Variants in PIK3C2G observed in about 807,000 individuals in gnomAD.
The protein encoded by PIK3C2G is phosphatidylinositol 3-kinase C2 domain-containing subunit gamma.
Under a neutral mutation model 181.1 loss-of-function variants are expected in PIK3C2G, and 168 were observed. The observed-to-expected ratio is 0.93, with a 90% CI of 0.82 to 1.05. The LOEUF is 1.05. Among genes scored for constraint, PIK3C2G ranks in the 50% least tolerant of loss-of-function variants. The pLI, the probability that PIK3C2G is intolerant of heterozygous loss-of-function variation, is 0.00. For synonymous variants in PIK3C2G, 573 were observed against 592.2 expected (o/e 0.97, Z 0.47); for missense variants, 1,869 against 1,732.8 (o/e 1.08, Z -1.40).
chr12:18,348,815 G>A (rs1939933321), intron 11 of PIK3C2G, among the ~76,000 whole-genome samples: 1 of 152,160 alleles, frequency 6.6e-6, no homozygotes, highest in Non-Finnish European at 1.5e-5. Flanking sequence ...ACATTCTGAG[G>A]CTCAAGAATC....
chr12:18,290,250 G>C (rs1218259849), intron 3 of PIK3C2G, among the ~76,000 whole-genome samples: 5 of 152,132 alleles, frequency 3.3e-5, no homozygotes, highest in African/African-American at 7.2e-5. Flanking sequence ...CTGGCTCCAA[G>C]GATAAACTGT....
intron 16 of PIK3C2G, among the ~76,000 whole-genome samples, chr12:18,401,132 T>C (rs1397326265): frequency 6.6e-6 from 1 of 152,160 alleles, no homozygotes; most frequent in Non-Finnish European, 1.5e-5. Flanking sequence ...TTCTGTTTCC[T>C]GAAGGCTTAG....
At chr12:18,497,248 C>T (rs899996758) in intron 21 of PIK3C2G, among the ~76,000 whole-genome samples, 1 of 152,090 alleles carries the variant, frequency 6.6e-6, no homozygotes, top group African/African-American at 2.4e-5. Context: ...TAATGTTTCA[C>T]TTAGAAAGAG....
In PIK3C2G at chr12:18,491,560, T is replaced by C. The variant is rs1565444452; in HGVS notation, c.2793+2T>C. 6.9e-7 allele frequency: 1 copy of C among 1,443,998 alleles called. No homozygotes were observed. 89.4% of individuals were successfully genotyped at this position (1,443,998 alleles called of 1,614,324 possible). A position where few individuals can be genotyped will look rare whatever the true frequency, so the allele number is the denominator to read the frequency against. ...TGTATAAAAGGGATTGATCACGATG[T>C]AAGTCAACTTATTCCTCAGATTAAT... On this transcript the variant is annotated splice_donor_variant, in intron 20 of 32. Transcript: ENST00000538779. LOFTEE classifies it high-confidence loss of function.
intron 24 of PIK3C2G, among the ~76,000 whole-genome samples, chr12:18,505,804 A>G (rs1941790396): frequency 2.0e-5 from 3 of 152,206 alleles, no homozygotes; most frequent in South Asian, 2.1e-4. Flanking sequence ...AACATCTGCT[A>G]TATTGCTCAT....
intron 24 of PIK3C2G, among the ~76,000 whole-genome samples, chr12:18,514,573 A>G (rs1408520379): frequency 1.3e-5 from 2 of 151,842 alleles, no homozygotes; most frequent in African/African-American, 4.8e-5. Flanking sequence ...AATTGCTACT[A>G]ATCTTGTGTA....
intron 32 of PIK3C2G, among the ~76,000 whole-genome samples, chr12:18,646,913 A>G (rs1950168728): frequency 6.6e-6 from 1 of 151,968 alleles, no homozygotes; most frequent in African/African-American, 2.4e-5. Flanking sequence ...TTCCTTTTGA[A>G]AAAAAAAGTC....
At chr12:18,526,283 A>C (rs1943230234) in intron 24 of PIK3C2G, among the ~76,000 whole-genome samples, 2 of 152,144 alleles carry the variant, frequency 1.3e-5, no homozygotes, top group Non-Finnish European at 2.9e-5. Flanking sequence ...GTTTTCTTTG[A>C]AATTAGGTGA....
chr12:18,559,419 C>T (rs1240872993), intron 26 of PIK3C2G, among the ~76,000 whole-genome samples: 1 of 152,054 alleles, frequency 6.6e-6, no homozygotes, highest in East Asian at 1.9e-4. Context: ...AGGGAAACCA[C>T]AGGTACTCTG....
intron 31 of PIK3C2G, among the ~76,000 whole-genome samples, chr12:18,627,466 G>A (rs1015595238): frequency 6.6e-6 from 1 of 151,972 alleles, no homozygotes; most frequent in Admixed American, 6.6e-5. Context: ...CCTTGCATTG[G>A]TGTTTGTGCA....
chr12:18,393,280 T>C (rs899025308), intron 15 of PIK3C2G, among the ~76,000 whole-genome samples: 1 of 152,018 alleles, frequency 6.6e-6, no homozygotes, highest in African/African-American at 2.4e-5. Context: ...CCCACTCAAA[T>C]AAAATTATTA....
chr12:18,328,425 A>G (rs1437937935), intron 8 of PIK3C2G, among the ~76,000 whole-genome samples: 1 of 152,042 alleles, frequency 6.6e-6, no homozygotes, highest in African/African-American at 2.4e-5. Context: ...AAGAGGACAC[A>G]TAGGGATTTT....
rs1941748289 is a variant in PIK3C2G at position 18,505,301 on chromosome 12, A to G, written c.3163A>G (p.Asn1055Asp). The part of the protein sequence containing the change: ...LKADYEKALR[N>D]FFYSCAGWCV... ...TTTTTCAATGAATTAGGCCTTGAGGAACTTTTTCTACTCCTGTGCTGGCTG... is the reference window on the plus strand; with the variant it reads ...TTTTTCAATGAATTAGGCCTTGAGGGACTTTTTCTACTCCTGTGCTGGCTG... Residue 1055 changes from asparagine (N) to aspartate (D), a missense_variant, in exon 24 of 33, where the codon AAC (asparagine) becomes GAC (aspartate). Coordinates refer to ENST00000538779, the MANE Select transcript of PIK3C2G (RefSeq NM_001288772.2). The G allele has an allele frequency of 6.3e-7, 1 of 1,595,748 alleles. No homozygotes were observed. Among genetic ancestry groups the G allele is most frequent in the Non-Finnish European group, 8.5e-7 (1 of 1,170,160 alleles).
chr12:18,695,551 A>G, the PIK3C2G span, among the ~76,000 whole-genome samples: 2 of 152,038 alleles, frequency 1.3e-5, no homozygotes, highest in African/African-American at 4.8e-5. Flanking sequence ...TAGCCTGGTA[A>G]ATAGCCACTG....
intron 8 of PIK3C2G, among the ~76,000 whole-genome samples, chr12:18,337,471 T>G (rs1261818281): frequency 1.3e-5 from 2 of 152,028 alleles, no homozygotes; most frequent in Non-Finnish European, 1.5e-5. Flanking sequence ...TCTGAGTAAT[T>G]TATAAAGAAA....
At chr12:18,544,169 AATGAGCATGGGC>A (rs1944306717) in intron 25 of PIK3C2G, among the ~76,000 whole-genome samples, 1 of 151,866 alleles carries the variant, frequency 6.6e-6, no homozygotes, top group Admixed American at 6.6e-5. Flanking sequence ...GTGGAGGTTT[AATGAGCATGGGC>A]ATGATGTGTA....
chr12:18,351,753 C>A (rs1389722843), intron 11 of PIK3C2G, among the ~76,000 whole-genome samples: 3 of 152,160 alleles, frequency 2.0e-5, no homozygotes, highest in Admixed American at 6.5e-5. Context: ...CTATAGATTA[C>A]TTATAATACT....
chr12:18,666,483 G>T, the PIK3C2G span, among the ~76,000 whole-genome samples: 17 of 151,706 alleles, frequency 1.1e-4, no homozygotes, highest in Non-Finnish European at 1.9e-4. Flanking sequence ...AGACAAAGAA[G>T]GACATTATAT....
intron 26 of PIK3C2G, among the ~76,000 whole-genome samples, chr12:18,551,062 A>G (rs140937911): frequency 6.6e-6 from 1 of 152,062 alleles, no homozygotes; most frequent in African/African-American, 2.4e-5. Context: ...TGTGGAATTT[A>G]AAATCCTGTA....
Sources: gnomAD v4.1 joint callset for allele counts (sites outside exome capture counted in the v4.1 genomes callset) on GRCh38, gnomAD v4.1.1 for gene constraint, MANE v1.5 for transcripts, NCBI Gene and HGNC (gene_info 2026-07-23, HGNC 2026-07-21) for gene names.